TLL1: variants seen among roughly 807,000 people sequenced by gnomAD.
The protein encoded by TLL1 is tolloid like 1.
In TLL1, 49 loss-of-function variants were observed where a neutral mutation model predicts 128.2. The observed-to-expected ratio is 0.38, with a 90% CI of 0.30 to 0.48. The LOEUF is 0.48. TLL1 is among the 20% of genes least tolerant of loss of function. The pLI, the probability that TLL1 is intolerant of heterozygous loss-of-function variation, is 0.96. For synonymous variants in TLL1, 454 were observed against 418.8 expected (o/e 1.08, Z -1.03); for missense variants, 1,123 against 1,242.0 (o/e 0.90, Z 1.44).
intron 12 of TLL1, chr4:166,044,570 A>T (rs1220482678): frequency 3.0e-5 from 19 of 636,808 alleles, no homozygotes; most frequent in African/African-American, 7.5e-5. Flanking sequence ...GCTCCAGACC[A>T]TTTTTTTTTT....
intron 8 of TLL1, among the ~76,000 whole-genome samples, chr4:166,018,524 A>G (rs1191386024): frequency 6.6e-6 from 1 of 152,202 alleles, no homozygotes; most frequent in African/African-American, 2.4e-5. Flanking sequence ...GACAACCTAC[A>G]CAATGAGAGA....
chr4:165,928,493 G>A (rs1401022730), intron 1 of TLL1, among the ~76,000 whole-genome samples: 1 of 152,184 alleles, frequency 6.6e-6, no homozygotes, highest in Non-Finnish European at 1.5e-5. Context: ...AGGAGAAAAG[G>A]AGGAAGAGCA....
chr4:165,978,655 C>T (rs10031332), intron 1 of TLL1, among the ~76,000 whole-genome samples: 13,202 of 152,180 alleles, frequency 0.087, 1,779 homozygotes, highest in African/African-American at 0.29. Flanking sequence ...CAAAGAACTT[C>T]GGATGGTTTC....
At chr4:165,992,749 T>C in intron 2 of TLL1, 55 bp from the exon 3 acceptor site, 1 of 1,522,656 alleles carries the variant, frequency 6.6e-7, no homozygotes, top group South Asian at 1.1e-5. Flanking sequence ...CTGTTTTTTA[T>C]TTGCAAGAAC....
At chr4:166,004,933 G>A (rs1427228169) in intron 6 of TLL1, among the ~76,000 whole-genome samples, 1 of 150,010 alleles carries the variant, frequency 6.7e-6, no homozygotes, top group African/African-American at 2.5e-5. Context: ...TATAGCGATC[G>A]TTAACTGGGT....
rs546301671 is a variant in TLL1 at position 166,055,950 on chromosome 4, C to T, written c.1720+679C>T. ...GGGAAGAGAAAACAAAATTTTCCTC[C>T]ATATTGATTTTATAGGATAAATGAT... On this transcript the variant is annotated intron_variant, in intron 13 of 20. Transcript: ENST00000061240. Among the ~76,000 whole-genome samples the T allele has an allele frequency of 2.6e-5, 4 of 152,038 alleles. No individual in the cohort carries two copies. The South Asian group carries it at 8.3e-4, about 32-fold the overall frequency.
chr4:165,937,687 G>C (rs763579420), intron 1 of TLL1, among the ~76,000 whole-genome samples: 3 of 151,952 alleles, frequency 2.0e-5, no homozygotes, highest in Non-Finnish European at 2.9e-5. Flanking sequence ...GTCTCCAGTA[G>C]ATTTCTTAAG....
chr4:165,972,200 A>C (rs1017415020), intron 1 of TLL1, among the ~76,000 whole-genome samples: 8 of 152,284 alleles, frequency 5.3e-5, no homozygotes, highest in South Asian at 2.1e-4. Flanking sequence ...ACAGACTATG[A>C]GTCAAACCTG....
At chr4:166,031,694 G>A (rs1738778045) in intron 9 of TLL1, among the ~76,000 whole-genome samples, 1 of 151,926 alleles carries the variant, frequency 6.6e-6, no homozygotes, top group South Asian at 2.1e-4. Flanking sequence ...CCAATAATAT[G>A]AGTTTATTTC....
chr4:166,060,727 T>C (rs772216274), intron 15 of TLL1, among the ~76,000 whole-genome samples: 12 of 152,220 alleles, frequency 7.9e-5, no homozygotes, highest in Non-Finnish European at 1.6e-4. Flanking sequence ...CTACTAAAGG[T>C]ACAGTTTCTG....
intron 1 of TLL1, among the ~76,000 whole-genome samples, chr4:165,949,597 G>A (rs1325759517): frequency 6.6e-6 from 1 of 152,098 alleles, no homozygotes; most frequent in Non-Finnish European, 1.5e-5. Context: ...GTTCCACGTG[G>A]CTGGGGAAGC....
chr4:166,101,263 C>T lies in TLL1; in HGVS notation c.*387C>T, dbSNP rs1742273655. On this transcript the variant is annotated 3_prime_UTR_variant, in exon 21 of 21. Coordinates refer to ENST00000061240, the MANE Select transcript of TLL1 (RefSeq NM_012464.5). ...AGGGACATAAAATGATCTTGCAGGT[C>T]GTAAACTGGAAAACAGTATTTTGGT... The T allele has an allele frequency of 7.3e-6, 2 of 275,848 alleles. No individual in the cohort carries two copies. Among genetic ancestry groups the T allele is most frequent in the South Asian group, 7.8e-5 (2 of 25,688 alleles). 17.1% of individuals were successfully genotyped at this position (275,848 alleles called of 1,614,324 possible).
intron 1 of TLL1, among the ~76,000 whole-genome samples, chr4:165,930,630 C>T (rs1371748272): frequency 6.6e-6 from 1 of 152,142 alleles, no homozygotes; most frequent in African/African-American, 2.4e-5. Flanking sequence ...AGTTTACTGA[C>T]TCCTGCATTA....
chr4:166,063,252 A>G (rs1740419447), intron 15 of TLL1, among the ~76,000 whole-genome samples: 1 of 152,182 alleles, frequency 6.6e-6, no homozygotes, highest in South Asian at 2.1e-4. Context: ...GCTCATCATC[A>G]CTGGCCATCA....
At chr4:165,956,701 C>A (rs1397038934) in intron 1 of TLL1, among the ~76,000 whole-genome samples, 1 of 151,966 alleles carries the variant, frequency 6.6e-6, no homozygotes, top group Admixed American at 6.6e-5. Flanking sequence ...CACAGTGGTC[C>A]TGAGGTGATG....
intron 14 of TLL1, among the ~76,000 whole-genome samples, chr4:166,059,519 A>G (rs1740197034): frequency 1.3e-5 from 2 of 152,176 alleles, no homozygotes; most frequent in Admixed American, 1.3e-4. Flanking sequence ...CTCAGGTAAT[A>G]TTGAGTTACT....
chr4:165,932,693 G>T lies in TLL1; in HGVS notation c.170-56688G>T, dbSNP rs987241496. ...TAATCTGTTGTTATTGAAGAGATTTGGAATTTCTTGTCAGAAAAGTGTTTA... is the reference window on the plus strand; with the variant it reads ...TAATCTGTTGTTATTGAAGAGATTTTGAATTTCTTGTCAGAAAAGTGTTTA... On this transcript the variant is annotated intron_variant, in intron 1 of 20. Transcript: ENST00000061240. 2.0e-5 allele frequency among the ~76,000 whole-genome samples: 3 copies of T among 151,500 alleles called. 1 individual carries two copies. The highest frequency in any genetic ancestry group is 1.3e-4 in the Admixed American group (2 of 15,208).
intron 1 of TLL1, among the ~76,000 whole-genome samples, chr4:165,986,692 C>T (rs922571761): frequency 6.6e-6 from 1 of 151,926 alleles, no homozygotes; most frequent in African/African-American, 2.4e-5. Flanking sequence ...AGCCTGGTGC[C>T]CTTTCTTCTC....
At chr4:166,068,842 G>T (rs1429274730) in intron 16 of TLL1, among the ~76,000 whole-genome samples, 1 of 151,808 alleles carries the variant, frequency 6.6e-6, no homozygotes, top group Non-Finnish European at 1.5e-5. Context: ...ATTCCACAGT[G>T]TAAAATGTTG....
Sources: gnomAD v4.1 joint callset for allele counts (sites outside exome capture counted in the v4.1 genomes callset) on GRCh38, gnomAD v4.1.1 for gene constraint, MANE v1.5 for transcripts, NCBI Gene and HGNC (gene_info 2026-07-23, HGNC 2026-07-21) for gene names.